The following MGAT4A variants were observed in gnomAD, a reference collection of about 807,000 sequenced individuals.
MGAT4A encodes the protein alpha-1,3-mannosyl-glycoprotein 4-beta-N-acetylglucosaminyltransferase A.
MGAT4A carries 33 observed loss-of-function variants against 74.1 expected under a neutral mutation model. The observed-to-expected ratio is 0.45, with a 90% confidence interval of 0.34 to 0.60. MGAT4A has a LOEUF of 0.60. Among genes scored for constraint, MGAT4A ranks in the 20% least tolerant of loss-of-function variants. The pLI is 0.02. For missense variants in MGAT4A, 479 were observed against 628.3 expected, an observed-to-expected ratio of 0.76 and a Z score of 2.54; for synonymous variants, 198 against 210.4, an observed-to-expected ratio of 0.94 and a Z score of 0.51.
At chr2:98,653,799 A>AG (rs1268877898) in intron 8 of MGAT4A, among the ~76,000 whole-genome samples, 1 of 152,220 alleles carries the variant, frequency 6.6e-6, no homozygotes, top group Non-Finnish European at 1.5e-5. Flanking sequence ...ACTGAAACAG[A>AG]GGGAACACTT....
chr2:98,677,941 T>C (rs1701999498), intron 3 of MGAT4A, among the ~76,000 whole-genome samples: 1 of 151,228 alleles, frequency 6.6e-6, no homozygotes, highest in African/African-American at 2.4e-5. Context: ...GCAAATCTAA[T>C]CTTTTTCAGC....
intron 14 of MGAT4A, among the ~76,000 whole-genome samples, chr2:98,633,823 G>A (rs910921137): frequency 2.6e-5 from 4 of 152,140 alleles, no homozygotes; most frequent in Non-Finnish European, 5.9e-5. Context: ...GACAGGTAAT[G>A]GGGTAATAAA....
chr2:98,691,534 G>T (rs1237280903), intron 2 of MGAT4A, among the ~76,000 whole-genome samples: 4 of 152,216 alleles, frequency 2.6e-5, no homozygotes, highest in Non-Finnish European at 2.9e-5. Flanking sequence ...GACTCACATG[G>T]ATGTGGTGAT....
At chr2:98,673,330 AG>A (rs1169309878) in intron 4 of MGAT4A, among the ~76,000 whole-genome samples, 1 of 152,190 alleles carries the variant, frequency 6.6e-6, no homozygotes, top group Non-Finnish European at 1.5e-5. Flanking sequence ...ATGAAGCCCT[AG>A]ATAAGTTCTG....
At chr2:98,631,345 G>A (rs1051248979) in intron 14 of MGAT4A, among the ~76,000 whole-genome samples, 2 of 152,214 alleles carry the variant, frequency 1.3e-5, no homozygotes, top group African/African-American at 4.8e-5. Flanking sequence ...GGGAAGTGCT[G>A]GGTAGAGAAG....
At chr2:98,678,249 A>AAAAAAAATATAT (rs67023324) in intron 3 of MGAT4A, 55 bp downstream of exon 3, 274 of 263,708 alleles carry the variant, frequency 1.0e-3, no homozygotes, top group Admixed American at 1.2e-3. Context: ...AAAAAAAAAA[A>AAAAAAAATATAT]ATATATATAT....
chr2:98,653,393 G>T (rs1559160117), intron 8 of MGAT4A, among the ~76,000 whole-genome samples: 1 of 148,042 alleles, frequency 6.8e-6, no homozygotes, highest in Non-Finnish European at 1.5e-5. Context: ...GAAACCTAGA[G>T]TTGGTTTTTG....
chr2:98,638,933 C>T (rs185201671), intron 12 of MGAT4A, among the ~76,000 whole-genome samples: 90 of 152,318 alleles, frequency 5.9e-4, no homozygotes, highest in Admixed American at 1.0e-3. Flanking sequence ...AAGTATGCCA[C>T]TGCCAATCTG....
intron 2 of MGAT4A, among the ~76,000 whole-genome samples, chr2:98,702,448 CT>C (rs1575275852): frequency 6.6e-6 from 1 of 152,188 alleles, no homozygotes; most frequent in East Asian, 1.9e-4. Context: ...CTGTAGGGGG[CT>C]TATAAAGCTC....
intron 2 of MGAT4A, among the ~76,000 whole-genome samples, chr2:98,684,138 T>G (rs1200046486): frequency 6.6e-6 from 1 of 152,238 alleles, no homozygotes; most frequent in African/African-American, 2.4e-5. Context: ...ACAGCTTTCT[T>G]AAGGAAGAGA....
Position 98,664,200 on chromosome 2 carries a change from C to CAAA in MGAT4A, c.404-1024_404-1022dup, listed in dbSNP as rs57981145. 8.4e-3 allele frequency among the ~76,000 whole-genome samples: 430 copies of CAAA among 51,406 alleles called. 8 individuals are homozygous for CAAA. The highest frequency in any genetic ancestry group is 0.012 in the Non-Finnish European group (318 of 27,616). 33.7% of individuals were successfully genotyped at this position (51,406 alleles called of 152,430 possible). ...TGGGTGACAAAGCAAGATTCCATCT[C>CAAA]AAAAAAAAAAAAAAAAAAAAAAAAA... On this transcript the variant is annotated intron_variant, in intron 4 of 15. Coordinates refer to ENST00000393487, the MANE Select transcript of MGAT4A (RefSeq NM_012214.3).
At chr2:98,675,212 C>A (rs1004072411) in intron 3 of MGAT4A, 37 bp from the exon 4 acceptor site, 2 of 1,449,422 alleles carry the variant, frequency 1.4e-6, no homozygotes, top group Admixed American at 2.4e-5. Flanking sequence ...ACAAGAATTA[C>A]CTTACAGAAG....
intron 2 of MGAT4A, among the ~76,000 whole-genome samples, chr2:98,691,715 A>AG (rs1353398629): frequency 6.6e-6 from 1 of 152,168 alleles, no homozygotes; most frequent in African/African-American, 2.4e-5. Context: ...TAGGAAAAAA[A>AG]GTTACCTGGA....
chr2:98,716,076 T>C (rs1021072258), intron 2 of MGAT4A, among the ~76,000 whole-genome samples: 2 of 152,128 alleles, frequency 1.3e-5, no homozygotes, highest in African/African-American at 4.8e-5. Flanking sequence ...TCTAGCAGTT[T>C]GGGAGGCTGA....
In MGAT4A at chr2:98,726,567, C is replaced by T. The variant is rs1288641510; in HGVS notation, c.-235G>A. The T allele has an allele frequency of 1.7e-5, 7 of 414,166 alleles. No homozygotes were observed. Among genetic ancestry groups the T allele is most frequent in the Non-Finnish European group, 2.1e-5 (5 of 234,786 alleles). 25.7% of individuals were successfully genotyped at this position (414,166 alleles called of 1,614,324 possible). On this transcript the variant is annotated splice_region_variant and 5_prime_UTR_variant, in exon 2 of 16. Coordinates refer to ENST00000393487, the MANE Select transcript of MGAT4A (RefSeq NM_012214.3). ...CGCTGATGCCTCGGCCTTTTCCCTT[C>T]CTATTCAGGGGAAAAGAGAAAGTCA...
chr2:98,681,246 G>A lies in MGAT4A; in HGVS notation c.95-2775C>T, dbSNP rs551701591. Among the ~76,000 whole-genome samples the A allele has an allele frequency of 3.5e-3, 534 of 152,284 alleles. 15 individuals are homozygous for A. The highest frequency in any genetic ancestry group is 0.033 in the Admixed American group (500 of 15,294). ...TCCGCCCGCCTCAGCCTCCCAAAGT[G>A]CTGGGATTACAGACGTGAGCCACCG... On this transcript the variant is annotated intron_variant, in intron 2 of 15. Coordinates refer to ENST00000393487, the MANE Select transcript of MGAT4A (RefSeq NM_012214.3).
At chr2:98,626,001 A>C (rs1011570903) in intron 14 of MGAT4A, among the ~76,000 whole-genome samples, 166 bp from the exon 15 acceptor site, 27 of 152,132 alleles carry the variant, frequency 1.8e-4, no homozygotes, top group African/African-American at 6.3e-4. Context: ...TTCAGCTTTT[A>C]TATTTTTCAT....
chr2:98,658,111 A>T (rs1389328146), intron 6 of MGAT4A, 107 bp downstream of exon 6: 1 of 717,638 alleles, frequency 1.4e-6, no homozygotes, highest in Non-Finnish European at 2.4e-6. Context: ...TAAACAATGA[A>T]CTCCACAGAG....
chr2:98,663,194 A>G lies in MGAT4A; in HGVS notation c.404-15T>C, dbSNP rs764804088. ...GACTATTGAAACTGGAAAAAAAAAT[A>G]GTAATTATATTAAAAAACTGTACAA... On this transcript the variant is annotated splice_polypyrimidine_tract_variant and intron_variant, in intron 4 of 15. Coordinates refer to ENST00000393487, the MANE Select transcript of MGAT4A (RefSeq NM_012214.3). The G allele has an allele frequency of 1.0e-5, 16 of 1,562,340 alleles. No individual in the cohort carries two copies. Among genetic ancestry groups the G allele is most frequent in the Admixed American group, 4.0e-5 (2 of 50,234 alleles).
Sources: allele counts gnomAD v4.1 joint callset (sites outside exome capture counted in the v4.1 genomes callset), GRCh38; gene constraint gnomAD v4.1.1; transcripts MANE v1.5; gene names NCBI Gene and HGNC (gene_info 2026-07-23, HGNC 2026-07-21).